Variants in LPCAT1 observed in about 807,000 individuals in gnomAD.
The protein encoded by LPCAT1 is lysophosphatidylcholine acyltransferase 1, also known as 1-acylglycerol-3-phosphate O-acyltransferase.
Under a neutral mutation model 60.9 loss-of-function variants are expected in LPCAT1, and 23 were observed. That is an observed-to-expected ratio of 0.38 (90% CI 0.27 to 0.53). The LOEUF is 0.53. LPCAT1 is among the 20% of genes least tolerant of loss of function. LPCAT1 has a pLI of 0.82. For synonymous variants in LPCAT1, 340 were observed against 301.1 expected, an observed-to-expected ratio of 1.13 and a Z score of -1.34; for missense variants, 622 against 723.6, an observed-to-expected ratio of 0.86 and a Z score of 1.61.
At chr5:1,508,195 C>CA (rs1418223517) in intron 1 of LPCAT1, among the ~76,000 whole-genome samples, 6 of 152,200 alleles carry the variant, frequency 3.9e-5, no homozygotes, top group African/African-American at 7.2e-5. Flanking sequence ...AGGGCGGGCA[C>CA]AGTGGGAGTG....
chr5:1,489,456 A>G lies in LPCAT1; in HGVS notation c.606+290T>C, dbSNP rs555926701. Among the ~76,000 whole-genome samples, 28 of 152,336 alleles carry G rather than the reference A, an allele frequency of 1.8e-4. 1 individual carries two copies. Among genetic ancestry groups the G allele is most frequent in the Middle Eastern group, 3.4e-3 (1 of 294 alleles). The stretch of plus-strand genomic sequence containing the variant: ...CACATCAACTCCAAAATCACACTGC[A>G]CCAGGAGGGCGGGTGAGCAATGCTC... On this transcript the variant is annotated intron_variant, in intron 4 of 13. Coordinates refer to ENST00000283415, the MANE Select transcript of LPCAT1 (RefSeq NM_024830.5).
chr5:1,468,055 C>A (rs27622), intron 12 of LPCAT1, among the ~76,000 whole-genome samples: 9,315 of 152,000 alleles, frequency 0.061, 390 homozygotes, highest in Non-Finnish European at 0.09. Flanking sequence ...CCTTCACCTC[C>A]ACCGGCTCCT....
chr5:1,466,791 A>C lies in LPCAT1; in HGVS notation c.1378T>G (p.Phe460Val), dbSNP rs376760316. Reference sequence around the variant, plus strand: ...TTCTCCTCTTGGTCAATGGCTCGGAATAGGTCGGTCACGGTGAGCTCTGCC... The same window carrying C: ...TTCTCCTCTTGGTCAATGGCTCGGACTAGGTCGGTCACGGTGAGCTCTGCC... ...GVAELTVTDL[F>V]RAIDQEEKGK... Residue 460 changes from phenylalanine to valine, a missense_variant, in exon 13 of 14, where the codon TTC becomes GTC. By Grantham distance (50) the Phe-to-Val change is conservative (BLOSUM62 -1). Transcript: ENST00000283415. 5 of 1,612,928 alleles carry C rather than the reference A, an allele frequency of 3.1e-6. No individual in the cohort carries two copies. The highest frequency in any genetic ancestry group is 3.4e-6 in the Non-Finnish European group (4 of 1,179,410).
intron 1 of LPCAT1, among the ~76,000 whole-genome samples, 154 bp from the exon 2 acceptor site, chr5:1,501,757 G>C (rs1736017531): frequency 1.3e-5 from 2 of 152,228 alleles, no homozygotes; most frequent in African/African-American, 4.8e-5. Context: ...AGGCTGACCA[G>C]CACTGACCGA....
In LPCAT1 at chr5:1,502,113, C is replaced by T. The variant is rs1560985641; in HGVS notation, c.136-510G>A. On this transcript the variant is annotated intron_variant, in intron 1 of 13. Coordinates refer to ENST00000283415, the MANE Select transcript of LPCAT1 (RefSeq NM_024830.5). The surrounding 1 kb of genome is among the most constrained non-coding windows in gnomAD (Gnocchi z 5.5). ...ACTGACATGCTCCACACCCACTGCC[C>T]GCTTCCTGCCTCCTTACTGGAGCTG... 1.3e-5 allele frequency among the ~76,000 whole-genome samples: 2 copies of T among 152,238 alleles called. No homozygotes were observed. The highest frequency in any genetic ancestry group is 4.8e-5 in the African/African-American group (2 of 41,452).
intron 3 of LPCAT1, among the ~76,000 whole-genome samples, chr5:1,493,061 C>T (rs1177346655): frequency 3.3e-5 from 5 of 152,230 alleles, no homozygotes; most frequent in East Asian, 3.8e-4. Context: ...GCTTGCAGAG[C>T]GGGGAAACCT....
chr5:1,465,260 A>G (rs1285410510), intron 13 of LPCAT1, among the ~76,000 whole-genome samples: 2 of 148,756 alleles, frequency 1.3e-5, no homozygotes, highest in African/African-American at 2.5e-5. Flanking sequence ...AACTAAACAC[A>G]CATGCCCATG....
At chr5:1,499,633 T>G (rs533302416) in intron 2 of LPCAT1, among the ~76,000 whole-genome samples, 1 of 152,310 alleles carries the variant, frequency 6.6e-6, no homozygotes, top group Non-Finnish European at 1.5e-5. Flanking sequence ...CTGTTGCCCC[T>G]AAAGAACCCA....
chr5:1,468,495 T>G (rs900040038), intron 12 of LPCAT1, among the ~76,000 whole-genome samples: 13 of 152,180 alleles, frequency 8.5e-5, no homozygotes, highest in Non-Finnish European at 1.9e-4. Context: ...CTGACATCTG[T>G]GTCCATTTGG....
chr5:1,494,447 G>T (rs1735703599), intron 3 of LPCAT1, among the ~76,000 whole-genome samples: 1 of 150,884 alleles, frequency 6.6e-6, no homozygotes, highest in Admixed American at 6.6e-5. Flanking sequence ...GGTAGGGAGG[G>T]TCTCACTCAT....
At chr5:1,467,029 A>C (rs1029517230) in intron 12 of LPCAT1, 139 bp from the exon 13 acceptor site, 59 of 889,216 alleles carry the variant, frequency 6.6e-5, no homozygotes, top group Admixed American at 7.9e-5. Context: ...GACACGGGGG[A>C]CTCGAACTTC....
At chr5:1,504,880 A>C (rs1165756079) in intron 1 of LPCAT1, among the ~76,000 whole-genome samples, 1 of 152,270 alleles carries the variant, frequency 6.6e-6, no homozygotes, top group East Asian at 1.9e-4. Context: ...GGGCCACGGC[A>C]GCCTCTGCCC....
intron 1 of LPCAT1, among the ~76,000 whole-genome samples, chr5:1,503,357 C>T (rs1736084735): frequency 2.0e-5 from 3 of 152,232 alleles, no homozygotes; most frequent in Admixed American, 2.0e-4. Flanking sequence ...AGGCCTCATC[C>T]TCCACGAGTT....
Position 1,496,442 on chromosome 5 carries a change from CA to C in LPCAT1, c.279-1529del, listed in dbSNP as rs1411649966. 6.8e-6 allele frequency among the ~76,000 whole-genome samples: 1 copy of C among 146,470 alleles called. No homozygotes were observed. Among genetic ancestry groups the C allele is most frequent in the Non-Finnish European group, 1.5e-5 (1 of 66,158 alleles). ...CAAAAAAAAAAAAAAAGTACAAAAA[CA>C]AAAGCCAAAAGACAGCAATTGATGC... On this transcript the variant is annotated intron_variant, in intron 2 of 13. Coordinates refer to ENST00000283415, the MANE Select transcript of LPCAT1 (RefSeq NM_024830.5). This position sits in a 1 kb window ranked among gnomAD's most constrained non-coding sequence, Gnocchi z 4.7.
Position 1,501,615 on chromosome 5 carries a change from G to C in LPCAT1, c.136-12C>G. 6.2e-7 allele frequency: 1 copy of C among 1,613,146 alleles called. No individual in the cohort carries two copies. Among genetic ancestry groups the C allele is most frequent in the Non-Finnish European group, 8.5e-7 (1 of 1,179,346 alleles). ...GTCATGAGGGCCACCTGCAGACAGAGGGGGGCATTATCCAGAGAATCCATG... is the reference window on the plus strand; with the variant it reads ...GTCATGAGGGCCACCTGCAGACAGACGGGGGCATTATCCAGAGAATCCATG... On this transcript the variant is annotated splice_polypyrimidine_tract_variant and intron_variant, in intron 1 of 13. Coordinates refer to ENST00000283415, the MANE Select transcript of LPCAT1 (RefSeq NM_024830.5).
At chr5:1,478,761 T>C (rs1344551183) in intron 8 of LPCAT1, among the ~76,000 whole-genome samples, 1 of 152,264 alleles carries the variant, frequency 6.6e-6, no homozygotes, top group Non-Finnish European at 1.5e-5. Context: ...TTTTATTAAA[T>C]ATTTAAGTTG....
At chr5:1,514,861 CCAGGCCCTGAGA>C (rs1485150014) in intron 1 of LPCAT1, among the ~76,000 whole-genome samples, 7 of 152,212 alleles carry the variant, frequency 4.6e-5, no homozygotes, top group African/African-American at 1.4e-4. Flanking sequence ...CCCATTCAGC[CCAGGCCCTGAGA>C]CAGGCCCTCC....
chr5:1,509,729 C>T (rs1736297293), intron 1 of LPCAT1, among the ~76,000 whole-genome samples: 1 of 152,238 alleles, frequency 6.6e-6, no homozygotes, highest in Non-Finnish European at 1.5e-5. Flanking sequence ...AAACCAAACG[C>T]TGCCTTCAAA....
In LPCAT1 at chr5:1,477,405, C is replaced by T. The variant is rs377695067; in HGVS notation, c.898G>A (p.Glu300Lys). Residue 300 changes from glutamate to lysine, a missense_variant and splice_region_variant, in exon 9 of 14, where the codon GAG becomes AAG. Around this residue, in one of 3 missense-constraint regions of LPCAT1, gnomAD observed 209 missense variants for 325.5 expected, o/e 0.64. Coordinates refer to ENST00000283415, the MANE Select transcript of LPCAT1 (RefSeq NM_024830.5). This position sits in a 1 kb window ranked among gnomAD's most constrained non-coding sequence, Gnocchi z 6.0. ...YASNVRRVMA[E>K]ALGVSVTDYT... ...TGGGGGAAGGAGCTGCTCACTTACT[C>T]GGCCATGACTCGCCGCACGTTGCTG... is the stretch of plus-strand genomic sequence containing the variant. 27 of 1,613,638 alleles carry T rather than the reference C, an allele frequency of 1.7e-5. No individual in the cohort carries two copies. The highest frequency in any genetic ancestry group is 6.7e-5 in the Admixed American group (4 of 59,998).
Sources: gnomAD v4.1 joint callset for allele counts (sites outside exome capture counted in the v4.1 genomes callset) on GRCh38, gnomAD v4.1.1 for gene constraint, gnomAD v4.1.1 regional missense constraint, Gnocchi (gnomAD v3.1) non-coding constraint, MANE v1.5 for transcripts, NCBI Gene and HGNC (gene_info 2026-07-23, HGNC 2026-07-21) for gene names.